PSD3: variants seen among roughly 807,000 people sequenced by gnomAD.
PSD3 encodes PH and SEC7 domain-containing protein 3.
PSD3 carries 49 observed loss-of-function variants against 105.5 expected under a neutral mutation model. The observed-to-expected ratio is 0.46, with a 90% CI of 0.37 to 0.59. PSD3 has a LOEUF of 0.59. Among genes scored for constraint, PSD3 ranks in the 20% least tolerant of loss-of-function variants. PSD3 has a pLI of 0.00. For missense variants in PSD3, 1,561 were observed against 1,263.8 expected (o/e 1.24, Z -3.57); for synonymous variants, 557 against 457.8 (o/e 1.22, Z -2.77).
chr8:18,829,957 AATAAC>A (rs1254100232), intron 4 of PSD3, among the ~76,000 whole-genome samples: 1 of 152,184 alleles, frequency 6.6e-6, no homozygotes, highest in African/African-American at 2.4e-5. Context: ...ACCAAATCTT[AATAAC>A]TTTATTTTAT....
chr8:18,663,531 C>CATTT (rs2130882131), intron 9 of PSD3, among the ~76,000 whole-genome samples: 2 of 151,952 alleles, frequency 1.3e-5, no homozygotes, highest in African/African-American at 4.8e-5. Context: ...TGTATGCATT[C>CATTT]ATTTATTTAT....
At chr8:18,910,243 T>C (rs1419300019) in intron 2 of PSD3, among the ~76,000 whole-genome samples, 6 of 147,508 alleles carry the variant, frequency 4.1e-5, no homozygotes, top group African/African-American at 1.5e-4. Flanking sequence ...AACTCAAATG[T>C]CCAACAATGA....
At chr8:18,604,227 C>T (rs1804651240) in intron 11 of PSD3, among the ~76,000 whole-genome samples, 1 of 152,172 alleles carries the variant, frequency 6.6e-6, no homozygotes, top group Non-Finnish European at 1.5e-5. Flanking sequence ...GCAAGGCTAA[C>T]AAGGACACAG....
intron 2 of PSD3, among the ~76,000 whole-genome samples, chr8:18,890,683 C>A (rs893334396): frequency 6.6e-6 from 1 of 152,076 alleles, no homozygotes; most frequent in East Asian, 1.9e-4. Flanking sequence ...CACCTGCAAA[C>A]CTCTATAATT....
chr8:18,640,412 T>C (rs559958107), intron 10 of PSD3, among the ~76,000 whole-genome samples: 22 of 152,232 alleles, frequency 1.4e-4, no homozygotes, highest in Non-Finnish European at 2.9e-4. Flanking sequence ...GTAATCCCCA[T>C]GTGTCATGGG....
chr8:18,567,242 A>C (rs192877889), intron 14 of PSD3, among the ~76,000 whole-genome samples: 158 of 139,378 alleles, frequency 1.1e-3, no homozygotes, highest in African/African-American at 4.0e-3. Flanking sequence ...CCGTAAAATT[A>C]ATAGAGCAAA....
chr8:18,892,794 T>A (rs2129459784), intron 2 of PSD3, among the ~76,000 whole-genome samples: 1 of 151,962 alleles, frequency 6.6e-6, no homozygotes, highest in South Asian at 2.1e-4. Context: ...ATGGCTAACT[T>A]TTGTATTTTT....
intron 4 of PSD3, among the ~76,000 whole-genome samples, chr8:18,861,181 A>C (rs903274043): frequency 6.6e-6 from 1 of 152,210 alleles, no homozygotes; most frequent in South Asian, 2.1e-4. Context: ...ACCAATGACC[A>C]GTGCACTTAG....
At chr8:18,784,797 T>C (rs549806195) in intron 8 of PSD3, among the ~76,000 whole-genome samples, 23 of 152,310 alleles carry the variant, frequency 1.5e-4, no homozygotes, top group Non-Finnish European at 2.2e-4. Flanking sequence ...TCCAAGCACA[T>C]AGATGTACTT....
chr8:18,704,393 A>C (rs749292257), intron 9 of PSD3, among the ~76,000 whole-genome samples: 2 of 152,168 alleles, frequency 1.3e-5, no homozygotes, highest in Non-Finnish European at 2.9e-5. Flanking sequence ...GCTGGAGTGC[A>C]GTTGTGTGGT....
At chr8:18,918,106 T>A (rs1462054254) in intron 2 of PSD3, among the ~76,000 whole-genome samples, 1 of 152,144 alleles carries the variant, frequency 6.6e-6, no homozygotes, top group Non-Finnish European at 1.5e-5. Context: ...AATACACACT[T>A]ACAGCATGCT....
intron 1 of PSD3, among the ~76,000 whole-genome samples, chr8:18,943,935 G>C (rs561840818): frequency 1.4e-4 from 22 of 152,084 alleles, no homozygotes; most frequent in Middle Eastern, 3.4e-3. Flanking sequence ...AATGCAGCTA[G>C]ACCAAGAAGG....
intron 11 of PSD3, among the ~76,000 whole-genome samples, chr8:18,602,453 A>C (rs7004098): frequency 6.6e-6 from 1 of 152,006 alleles, no homozygotes; most frequent in Non-Finnish European, 1.5e-5. Flanking sequence ...CAGAAGTATA[A>C]AACTTAACCT....
In PSD3 at chr8:18,896,414, T is replaced by C. The variant is rs149045320; in HGVS notation, c.131-23681A>G. On this transcript the variant is annotated intron_variant, in intron 2 of 15. Coordinates refer to ENST00000327040, the MANE Select transcript of PSD3 (RefSeq NM_015310.4). ...CCATACTGTTTTTCCTTAGTGGCTA[T>C]ACTTTTATTTTATTTTTGAGACAGG... is the stretch of plus-strand genomic sequence containing the variant. Among the ~76,000 whole-genome samples, 300 of 152,310 alleles carry C rather than the reference T, an allele frequency of 2.0e-3. 8 individuals are homozygous for C. The East Asian group carries it at 0.054, about 28-fold the overall frequency.
rs552527430 is a variant in PSD3 at position 18,672,549 on chromosome 8, G to C, written c.2173-16864C>G. Among the ~76,000 whole-genome samples the C allele has an allele frequency of 2.6e-5, 4 of 152,314 alleles. No individual in the cohort carries two copies. The South Asian group carries it at 6.2e-4, about 24-fold the overall frequency. ...TCAAATTTCATAAACAGGAAAATTT[G>C]CAAAAGAAATTTTAGGGAGCTAAAT... On this transcript the variant is annotated intron_variant, in intron 9 of 15. Transcript: ENST00000327040.
chr8:18,739,309 G>A (rs1373848387), intron 9 of PSD3, among the ~76,000 whole-genome samples: 2 of 151,992 alleles, frequency 1.3e-5, no homozygotes, highest in African/African-American at 2.4e-5. Context: ...CTATTTAAGG[G>A]AAAAAATAGG....
chr8:18,639,764 TG>T (rs1807510531), intron 10 of PSD3, among the ~76,000 whole-genome samples: 1 of 152,156 alleles, frequency 6.6e-6, no homozygotes, highest in South Asian at 2.1e-4. Context: ...TGTGGCATTT[TG>T]TTATGGCAGC....
chr8:19,050,580 G>A (rs542242902), intron 1 of PSD3, among the ~76,000 whole-genome samples: 46 of 152,130 alleles, frequency 3.0e-4, no homozygotes, highest in African/African-American at 8.9e-4. Flanking sequence ...GTAAACTATC[G>A]CAAGAACAAA....
At chr8:18,964,463 A>T (rs1824120925) in intron 1 of PSD3, among the ~76,000 whole-genome samples, 1 of 131,156 alleles carries the variant, frequency 7.6e-6, no homozygotes, top group South Asian at 2.4e-4. Context: ...AACCTTAATG[A>T]CTTTTTTTTG....
Sources: gnomAD v4.1 joint callset for allele counts (sites outside exome capture counted in the v4.1 genomes callset) on GRCh38, gnomAD v4.1.1 for gene constraint, MANE v1.5 for transcripts, NCBI Gene and HGNC (gene_info 2026-07-23, HGNC 2026-07-21) for gene names.